Variants in ACVR2B observed in about 807,000 individuals in gnomAD.
ACVR2B encodes the protein activin receptor type-2B.
In ACVR2B, 18 loss-of-function variants were observed where a neutral mutation model predicts 65.1. The ratio of observed to expected loss-of-function variants is 0.28; its 90% CI spans 0.19 to 0.41. The LOEUF is 0.41. Among genes scored for constraint, ACVR2B ranks in the 10% least tolerant of loss-of-function variants. ACVR2B has a pLI of 1.00. For missense variants in ACVR2B, 482 were observed against 682.7 expected, an observed-to-expected ratio of 0.71 and a Z score of 3.28; for synonymous variants, 298 against 277.7, an observed-to-expected ratio of 1.07 and a Z score of -0.73.
chr3:38,454,496 C>A, intron 1 of ACVR2B, 122 bp downstream of exon 1: 1 of 897,956 alleles, frequency 1.1e-6, no homozygotes, highest in African/African-American at 1.8e-5. Flanking sequence ...CTGTATTCAG[C>A]CCTCACCTCC....
chr3:38,461,252 G>A lies in ACVR2B; in HGVS notation c.52+6878G>A, dbSNP rs1239310917. On this transcript the variant is annotated intron_variant, in intron 1 of 10. Coordinates refer to ENST00000352511, the MANE Select transcript of ACVR2B (RefSeq NM_001106.4). Reference sequence around the variant, plus strand: ...CCGTTGATTTAGAAAGCATGCATGAGTTTTCCCAGCCTGGGCTGGCAACCA... The same window carrying A: ...CCGTTGATTTAGAAAGCATGCATGAATTTTCCCAGCCTGGGCTGGCAACCA... 4.6e-5 allele frequency among the ~76,000 whole-genome samples: 7 copies of A among 152,118 alleles called. No individual in the cohort carries two copies. The South Asian group carries it at 8.3e-4, about 18-fold the overall frequency.
At chr3:38,465,741 G>A (rs1709717219) in intron 1 of ACVR2B, among the ~76,000 whole-genome samples, 2 of 152,210 alleles carry the variant, frequency 1.3e-5, no homozygotes, top group Admixed American at 6.5e-5. Context: ...GAGAGAGAAT[G>A]AGGCAGAAAA....
chr3:38,457,627 C>A (rs910530048), intron 1 of ACVR2B, among the ~76,000 whole-genome samples: 1 of 152,192 alleles, frequency 6.6e-6, no homozygotes, highest in African/African-American at 2.4e-5. Context: ...ACACCTGTCT[C>A]TGTACTCTGT....
intron 3 of ACVR2B, 49 bp downstream of exon 3, chr3:38,478,019 T>A: frequency 6.2e-7 from 1 of 1,607,358 alleles, no homozygotes; most frequent in Middle Eastern, 1.7e-4. Flanking sequence ...GACCTGGGCT[T>A]CTTTGGCTTG....
intron 1 of ACVR2B, among the ~76,000 whole-genome samples, chr3:38,461,372 C>T (rs1709643718): frequency 6.6e-6 from 1 of 152,166 alleles, no homozygotes; most frequent in African/African-American, 2.4e-5. Context: ...GCCCAGGGCT[C>T]ACACAAGAGG....
Position 38,454,138 on chromosome 3 carries a change from C to T in ACVR2B, c.-185C>T, listed in dbSNP as rs1709499188. The T allele has an allele frequency of 7.4e-6, 2 of 269,410 alleles. No individual in the cohort carries two copies. The highest frequency in any genetic ancestry group is 1.3e-4 in the South Asian group (1 of 7,610). The allele number at this position is 269,410 out of a possible 1,614,324, so 16.7% of individuals were successfully genotyped here. Reference sequence around the variant, plus strand: ...CGCCCGCAGCGGCCCTGAGCCCGGCCCCGCCGACCGGCCCTTGGAGCCCGA... The same window carrying T: ...CGCCCGCAGCGGCCCTGAGCCCGGCTCCGCCGACCGGCCCTTGGAGCCCGA... On this transcript the variant is annotated 5_prime_UTR_variant, in exon 1 of 11. Coordinates refer to ENST00000352511, the MANE Select transcript of ACVR2B (RefSeq NM_001106.4).
rs531440992 is a variant in ACVR2B at position 38,484,672 on chromosome 3, A to T, written c.*1340A>T. On this transcript the variant is annotated 3_prime_UTR_variant, in exon 11 of 11. Coordinates refer to ENST00000352511, the MANE Select transcript of ACVR2B (RefSeq NM_001106.4). The stretch of plus-strand genomic sequence containing the variant: ...TGAAACATGCTAAATTTTTTTTTTC[A>T]AACAAAACACACACATCCACATATA... 8.2e-6 allele frequency: 1 copy of T among 121,554 alleles called. No individual in the cohort carries two copies. The highest frequency in any genetic ancestry group is 2.1e-4 in the East Asian group (1 of 4,776). 7.5% of individuals were successfully genotyped at this position (121,554 alleles called of 1,614,324 possible). A position where few individuals can be genotyped will look rare whatever the true frequency, so the allele number is the denominator to read the frequency against.
chr3:38,457,912 T>C (rs910561531), intron 1 of ACVR2B, among the ~76,000 whole-genome samples: 3 of 152,076 alleles, frequency 2.0e-5, no homozygotes, highest in African/African-American at 7.2e-5. Flanking sequence ...GGGCCGTGGG[T>C]GCCCCTCCCA....
chr3:38,479,543 C>A, intron 6 of ACVR2B, 135 bp from the exon 7 acceptor site: 1 of 1,155,590 alleles, frequency 8.7e-7, no homozygotes, highest in Non-Finnish European at 1.3e-6. Context: ...CCTCATCCAT[C>A]TTCCATATCG....
rs188465635 is a variant in ACVR2B at position 38,482,580 on chromosome 3, C to G, written c.1344+20C>G. 6.2e-7 allele frequency: 1 copy of G among 1,607,058 alleles called. No individual in the cohort carries two copies. The highest frequency in any genetic ancestry group is 8.5e-7 in the Non-Finnish European group (1 of 1,178,114). ...CACCCGGTAAGGGGCCTGGTTCAGG[C>G]AACTTTGCAGGGGGGTGGAGAAGGG... On this transcript the variant is annotated intron_variant, in intron 10 of 10. Transcript: ENST00000352511.
chr3:38,458,508 C>CT (rs1215577030), intron 1 of ACVR2B, among the ~76,000 whole-genome samples: 2 of 152,168 alleles, frequency 1.3e-5, no homozygotes, highest in African/African-American at 4.8e-5. Context: ...GGGAGGGGTG[C>CT]TTTTTCCACC....
At chr3:38,460,401 T>C (rs1709623954) in intron 1 of ACVR2B, among the ~76,000 whole-genome samples, 1 of 152,202 alleles carries the variant, frequency 6.6e-6, no homozygotes, top group Non-Finnish European at 1.5e-5. Flanking sequence ...TCTATTACAT[T>C]GCTCAGTGAT....
intron 1 of ACVR2B, among the ~76,000 whole-genome samples, chr3:38,466,615 T>A (rs534548180): frequency 1.4e-3 from 209 of 152,054 alleles, no homozygotes; most frequent in Non-Finnish European, 2.4e-3. Flanking sequence ...GTGATTGTCC[T>A]GCCTCAGCCT....
At chr3:38,474,540 C>T (rs536477996) in intron 1 of ACVR2B, 12 of 152,360 alleles carry the variant, frequency 7.9e-5, no homozygotes, top group Middle Eastern at 3.4e-3. Flanking sequence ...CCACTTAGGA[C>T]GGCAAGGGTC....
intron 1 of ACVR2B, among the ~76,000 whole-genome samples, chr3:38,460,180 CT>C (rs1418561887): frequency 6.6e-6 from 1 of 152,160 alleles, no homozygotes; most frequent in Non-Finnish European, 1.5e-5. Flanking sequence ...AGAATTCTTT[CT>C]CTTCCTTCCC....
intron 1 of ACVR2B, among the ~76,000 whole-genome samples, chr3:38,467,028 A>ATTT: frequency 6.6e-6 from 1 of 152,232 alleles, no homozygotes; most frequent in Non-Finnish European, 1.5e-5. Context: ...AATCAATTTA[A>ATTT]ATTGTTCTAA....
Position 38,479,289 on chromosome 3 carries a change from G to A in ACVR2B, c.810+18G>A. 6.2e-7 allele frequency: 1 copy of A among 1,614,138 alleles called. No homozygotes were observed. The highest frequency in any genetic ancestry group is 8.5e-7 in the Non-Finnish European group (1 of 1,180,016). ...ATGACAAGGTGAGCCACACCCATCAGAATGGACTCTGAGAGGAGATGGAAT... is the reference window on the plus strand; with the variant it reads ...ATGACAAGGTGAGCCACACCCATCAAAATGGACTCTGAGAGGAGATGGAAT... On this transcript the variant is annotated intron_variant, in intron 6 of 10. Transcript: ENST00000352511.
At chr3:38,465,548 G>A (rs77059637) in intron 1 of ACVR2B, among the ~76,000 whole-genome samples, 3,630 of 152,248 alleles carry the variant, frequency 0.024, 146 homozygotes, top group East Asian at 0.16. Flanking sequence ...ATCAATGAAT[G>A]CTTTTATCAG....
In ACVR2B at chr3:38,467,635, C is replaced by T. The variant is rs754419045; in HGVS notation, c.53-9652C>T. ...TGTGGTGGCATTGCACCTGTAAGTC[C>T]GAGCTACTTGGGAGGCTGAAGTGGG... On this transcript the variant is annotated intron_variant, in intron 1 of 10. Transcript: ENST00000352511. Among the ~76,000 whole-genome samples the T allele has an allele frequency of 5.9e-5, 9 of 151,640 alleles. No individual in the cohort carries two copies. In the South Asian group the frequency reaches 8.4e-4, roughly 14 times the overall value.
Sources: allele counts gnomAD v4.1 joint callset (sites outside exome capture counted in the v4.1 genomes callset), GRCh38; gene constraint gnomAD v4.1.1; transcripts MANE v1.5; gene names NCBI Gene and HGNC (gene_info 2026-07-23, HGNC 2026-07-21).